The following SF3B3 variants were observed in gnomAD, a reference collection of about 807,000 sequenced individuals.
SF3B3 encodes SAP 130.
Under a neutral mutation model 139.2 loss-of-function variants are expected in SF3B3, and 33 were observed. That is an observed-to-expected ratio of 0.24 (90% CI 0.18 to 0.32). The LOEUF (loss-of-function observed/expected upper bound fraction) is 0.32, where lower values mean the gene tolerates loss of function less well. Ranked by LOEUF, SF3B3 falls within the 10% of genes least tolerant of loss-of-function variation. The pLI is 1.00. For synonymous variants in SF3B3, 596 were observed against 563.6 expected (o/e 1.06, Z -0.81); for missense variants, 818 against 1,509.4 (o/e 0.54, Z 7.59).
intron 5 of SF3B3, 150 bp from the exon 6 acceptor site, chr16:70,535,158 A>G (rs755273610): frequency 3.8e-6 from 2 of 527,624 alleles, no homozygotes; most frequent in Non-Finnish European, 6.9e-6. Context: ...CTTATCTACC[A>G]TGAACATAAG....
At chr16:70,548,553 A>T in intron 11 of SF3B3, 111 bp downstream of exon 11, 8 of 922,872 alleles carry the variant, frequency 8.7e-6, no homozygotes, top group Non-Finnish European at 1.4e-5. Context: ...AGCACCATAT[A>T]CCAGAAACTT....
At chr16:70,555,280 A>G in intron 13 of SF3B3, 74 bp downstream of exon 13, 1 of 1,345,060 alleles carries the variant, frequency 7.4e-7, no homozygotes, top group Non-Finnish European at 1.1e-6. Context: ...TAGTCTAGTC[A>G]TTTAGATGAT....
In SF3B3 at chr16:70,575,164, C is replaced by G. The variant is rs2050565749; in HGVS notation, c.*3351C>G. 1 of 140,866 alleles carries G rather than the reference C, an allele frequency of 7.1e-6. No homozygotes were observed. Among genetic ancestry groups the G allele is most frequent in the Non-Finnish European group, 1.6e-5 (1 of 63,674 alleles). The allele number at this position is 140,866 out of a possible 1,614,324, so 8.7% of individuals were successfully genotyped here. ...GAACCAGCACAACCAAGAGTTGTTT[C>G]TCTTTTTTTTCTTTTTCTTTTTCTT... On this transcript the variant is annotated 3_prime_UTR_variant, in exon 26 of 26. Transcript: ENST00000302516.
rs1363070186 is a variant in SF3B3, at chr16:70,539,034, C to A, written c.964-70C>A. On this transcript the variant is annotated intron_variant, in intron 7 of 25. Coordinates refer to ENST00000302516, the MANE Select transcript of SF3B3 (RefSeq NM_012426.5). ...ATACAGTATTTTATTTGCTACTCAGCCTGTGCTGTCTTATAATACGGGGCT... is the reference window on the plus strand; with the variant it reads ...ATACAGTATTTTATTTGCTACTCAGACTGTGCTGTCTTATAATACGGGGCT... 5.5e-6 allele frequency: 6 copies of A among 1,088,480 alleles called. No individual in the cohort carries two copies. The East Asian group carries it at 1.4e-4, about 26-fold the overall frequency. 67.4% of individuals were successfully genotyped at this position (1,088,480 alleles called of 1,614,324 possible). A position where few individuals can be genotyped will look rare whatever the true frequency, so the allele number is the denominator to read the frequency against.
At position 70,577,591 on chromosome 16, in the gene SF3B3, TC is replaced by T. The variant is rs1284872665; in HGVS notation, c.*5780del. The T allele has an allele frequency of 3.9e-5, 6 of 152,358 alleles. No homozygotes were observed. The East Asian group carries it at 1.2e-3, about 29-fold the overall frequency. The allele number at this position is 152,358 out of a possible 1,614,324, so 9.4% of individuals were successfully genotyped here. On this transcript the variant is annotated 3_prime_UTR_variant, in exon 26 of 26. Transcript: ENST00000302516. ...AAAACCAGGAATCCAGTTTTGTCGA[TC>T]CAATTGAGAAAACATTTCATGAACA...
intron 15 of SF3B3, among the ~76,000 whole-genome samples, chr16:70,557,420 T>C (rs1369902541): frequency 6.6e-6 from 1 of 152,218 alleles, no homozygotes; most frequent in Non-Finnish European, 1.5e-5. Context: ...GTTGCTGAGC[T>C]CTTTGTGCCG....
chr16:70,563,822 C>A, intron 17 of SF3B3, 54 bp from the exon 18 acceptor site: 1 of 1,557,460 alleles, frequency 6.4e-7, no homozygotes, highest in Non-Finnish European at 8.8e-7. Context: ...TATTTCAACA[C>A]CAGTTTCTGG....
intron 21 of SF3B3, among the ~76,000 whole-genome samples, chr16:70,567,810 C>T (rs1241468972): frequency 6.6e-6 from 1 of 152,162 alleles, no homozygotes; most frequent in Non-Finnish European, 1.5e-5. Context: ...CTCAGCCTCC[C>T]AAGTAGCTGG....
chr16:70,529,773 A>T (rs905543118), intron 3 of SF3B3, among the ~76,000 whole-genome samples: 4 of 152,256 alleles, frequency 2.6e-5, no homozygotes, highest in East Asian at 3.9e-4. Flanking sequence ...CTTTAAAAAA[A>T]TTTATTTATT....
rs748277889 is a variant in SF3B3, at chr16:70,568,307, A to T, written c.2977A>T (p.Ile993Phe). 1.2e-6 allele frequency: 2 copies of T among 1,612,736 alleles called. No homozygotes were observed. The highest frequency in any genetic ancestry group is 2.2e-5 in the South Asian group (2 of 91,012). Residue 993 changes from isoleucine to phenylalanine, a missense_variant, in exon 22 of 26, where the codon ATC (isoleucine) becomes TTC (phenylalanine). Ile to Phe is a conservative substitution (Grantham distance 21). Around this residue, in one of 14 missense-constraint regions of SF3B3, gnomAD observed 145 missense variants for 153.6 expected, o/e 0.94. Transcript: ENST00000302516. ...GCATATTGCCAATTATATCTCTGGG[A>T]TCCAGACTATCGGACATAGGGTAAT... The part of the protein sequence containing the change: ...NKHIANYISG[I>F]QTIGHRVIVS...
Position 70,575,721 on chromosome 16 carries a change from G to T in SF3B3, c.*3908G>T, listed in dbSNP as rs910002733. The stretch of plus-strand genomic sequence containing the variant: ...AGGGCCTGCCACCAGTTTCAGAAGA[G>T]CCTGCAGCCTGCATCTGATTTCCTC... On this transcript the variant is annotated 3_prime_UTR_variant, in exon 26 of 26. Transcript: ENST00000302516. 6.6e-6 allele frequency: 1 copy of T among 152,280 alleles called. No individual in the cohort carries two copies. Among genetic ancestry groups the T allele is most frequent in the African/African-American group, 2.4e-5 (1 of 41,458 alleles). 9.4% of individuals were successfully genotyped at this position (152,280 alleles called of 1,614,324 possible).
chr16:70,529,430 T>C, intron 3 of SF3B3: 1 of 541,148 alleles, frequency 1.8e-6, no homozygotes, highest in Non-Finnish European at 3.3e-6. Flanking sequence ...ATGGGTGTTT[T>C]TCAATTTCTT....
rs2050324535 is a variant in SF3B3 at position 70,551,480 on chromosome 16, A to T, written c.1403-2966A>T. The stretch of plus-strand genomic sequence containing the variant: ...CACTTTGGGAGGCTGAGGTGGATGG[A>T]TCACCTGAGGTTGGGAATTTGAGAC... On this transcript the variant is annotated intron_variant, in intron 11 of 25. Coordinates refer to ENST00000302516, the MANE Select transcript of SF3B3 (RefSeq NM_012426.5). Among the ~76,000 whole-genome samples, 3 of 152,220 alleles carry T rather than the reference A, an allele frequency of 2.0e-5. 1 individual carries two copies. The South Asian group carries it at 6.2e-4, about 32-fold the overall frequency.
chr16:70,554,328 A>G lies in SF3B3; in HGVS notation c.1403-118A>G, dbSNP rs910910882. 3 of 907,394 alleles carry G rather than the reference A, an allele frequency of 3.3e-6. No homozygotes were observed. In the African/African-American group the frequency reaches 5.0e-5, roughly 15 times the overall value. 56.2% of individuals were successfully genotyped at this position (907,394 alleles called of 1,614,324 possible). ...GCATGTGTATGTGTGTATGTGTGTA[A>G]TAACTACACATAGAAGAACTGCCTT... is the stretch of plus-strand genomic sequence containing the variant. On this transcript the variant is annotated intron_variant, in intron 11 of 25. Transcript: ENST00000302516.
intron 18 of SF3B3, 79 bp from the exon 19 acceptor site, chr16:70,564,986 G>A (rs2050462009): frequency 1.5e-6 from 2 of 1,361,316 alleles, no homozygotes; most frequent in African/African-American, 1.4e-5. Flanking sequence ...CCCCTGGAGT[G>A]TTCTTGCTAC....
At chr16:70,547,416 G>A (rs575216659) in intron 10 of SF3B3, among the ~76,000 whole-genome samples, 1 of 152,304 alleles carries the variant, frequency 6.6e-6, no homozygotes, top group Admixed American at 6.5e-5. Context: ...GAGAGTTCCT[G>A]TATAACCTAC....
At chr16:70,559,162 A>G (rs147350114) in intron 15 of SF3B3, among the ~76,000 whole-genome samples, 264 of 152,294 alleles carry the variant, frequency 1.7e-3, no homozygotes, top group Middle Eastern at 3.4e-3. Flanking sequence ...CACATTGCCT[A>G]GGTTCATTCT....
chr16:70,557,787 G>T (rs1023716061), intron 15 of SF3B3, among the ~76,000 whole-genome samples: 1 of 151,770 alleles, frequency 6.6e-6, no homozygotes. Flanking sequence ...CTTTTCCCTG[G>T]ACTATTTTAA....
intron 6 of SF3B3, 23 bp downstream of exon 6, chr16:70,535,443 A>G: frequency 7.4e-7 from 1 of 1,357,210 alleles, no homozygotes; most frequent in Non-Finnish European, 1.0e-6. Flanking sequence ...ATATAAGAAG[A>G]GAGAGATTTG....
Sources: allele counts gnomAD v4.1 joint callset (sites outside exome capture counted in the v4.1 genomes callset), GRCh38; gene constraint gnomAD v4.1.1; regional missense constraint gnomAD v4.1.1; transcripts MANE v1.5; gene names NCBI Gene and HGNC (gene_info 2026-07-23, HGNC 2026-07-21).